The following BRD10 variants were observed in gnomAD, a reference collection of about 807,000 sequenced individuals.
BRD10 encodes bromodomain containing 10.
chr9:5,939,109 T>C, the BRD10 span, among the ~76,000 whole-genome samples: 1 of 152,134 alleles, frequency 6.6e-6, no homozygotes, highest in East Asian at 1.9e-4. Context: ...ATAAAATTTA[T>C]TTTTTACAGG....
At chr9:5,945,078 A>G in the BRD10 span, 1 of 456,422 alleles carries the variant, frequency 2.2e-6, no homozygotes, top group Non-Finnish European at 3.9e-6. Flanking sequence ...TGTAATAGTA[A>G]AAAGCAAGAA....
the BRD10 span, among the ~76,000 whole-genome samples, chr9:5,914,451 T>G: frequency 9.1e-6 from 1 of 110,152 alleles, no homozygotes; most frequent in African/African-American, 3.5e-5. Context: ...TGAGACGGAG[T>G]CTCACTCTGT....
the BRD10 span, among the ~76,000 whole-genome samples, chr9:5,942,906 C>G: frequency 6.6e-6 from 1 of 152,116 alleles, no homozygotes; most frequent in Non-Finnish European, 1.5e-5. Context: ...GAGTCAGGCT[C>G]TGGTTCTGTT....
At chr9:5,927,319 A>G in the BRD10 span, among the ~76,000 whole-genome samples, 1 of 152,166 alleles carries the variant, frequency 6.6e-6, no homozygotes, top group Non-Finnish European at 1.5e-5. Context: ...CCTCTTACCT[A>G]ATCAAGGATA....
At chr9:5,998,838 C>T in the BRD10 span, among the ~76,000 whole-genome samples, 4 of 151,922 alleles carry the variant, frequency 2.6e-5, no homozygotes, top group South Asian at 6.2e-4. Context: ...AAATCACTAG[C>T]GTACTAGAAT....
chr9:5,968,256 C>T, the BRD10 span: 8 of 1,612,464 alleles, frequency 5.0e-6, no homozygotes, highest in East Asian at 2.2e-5. Flanking sequence ...TCCCTTACAA[C>T]TTTGTGGCAG....
At chr9:5,921,503 G>C in the BRD10 span, 1 of 1,613,912 alleles carries the variant, frequency 6.2e-7, no homozygotes, top group Non-Finnish European at 8.5e-7. Context: ...AACACCTGTA[G>C]ATGTCAGCGC....
chr9:6,002,698 T>C, the BRD10 span, among the ~76,000 whole-genome samples: 1 of 151,580 alleles, frequency 6.6e-6, no homozygotes, highest in African/African-American at 2.4e-5. Flanking sequence ...TTTTTTTTTT[T>C]TTTTTTCCAC....
chr9:5,909,000 A>G, the BRD10 span: 2 of 368,938 alleles, frequency 5.4e-6, no homozygotes, highest in Non-Finnish European at 9.9e-6. Context: ...TGAGAGACAG[A>G]ATTCAAGTGG....
At chr9:6,008,453 G>T in the BRD10 span, among the ~76,000 whole-genome samples, 3 of 151,580 alleles carry the variant, frequency 2.0e-5, no homozygotes, top group African/African-American at 4.9e-5. Context: ...AAAGAAAGAG[G>T]CCCTGTCGCC....
chr9:5,954,206 TAGTG>T, the BRD10 span: 3 of 635,992 alleles, frequency 4.7e-6, no homozygotes, highest in Non-Finnish European at 5.5e-6. Flanking sequence ...AGATGGCTGC[TAGTG>T]AGTCAAATAA....
chr9:5,977,626 T>C, the BRD10 span, among the ~76,000 whole-genome samples: 1 of 152,164 alleles, frequency 6.6e-6, no homozygotes, highest in East Asian at 1.9e-4. Flanking sequence ...GGTGGGCAGA[T>C]CACGAGGTCA....
the BRD10 span, among the ~76,000 whole-genome samples, chr9:5,966,097 T>C: frequency 6.6e-6 from 1 of 152,240 alleles, no homozygotes; most frequent in Admixed American, 6.5e-5. Flanking sequence ...AAATTTGCTC[T>C]GAGAATAAAA....
At chr9:5,900,215 G>A in the BRD10 span, among the ~76,000 whole-genome samples, 5 of 152,046 alleles carry the variant, frequency 3.3e-5, no homozygotes, top group Non-Finnish European at 7.4e-5. Context: ...TTAATGTCAT[G>A]TGCTCAGACA....
At chr9:5,981,613 G>A in the BRD10 span, among the ~76,000 whole-genome samples, 1 of 151,828 alleles carries the variant, frequency 6.6e-6, no homozygotes, top group African/African-American at 2.4e-5. Flanking sequence ...ATCTATCCAT[G>A]TATCTATCTT....
At chr9:5,921,215 G>A in the BRD10 span, 2 of 1,613,692 alleles carry the variant, frequency 1.2e-6, no homozygotes, top group Non-Finnish European at 1.7e-6. Flanking sequence ...GTTAATTGAT[G>A]GTATAGCTGG....
chr9:5,955,306 A>T, the BRD10 span, among the ~76,000 whole-genome samples: 1 of 152,144 alleles, frequency 6.6e-6, no homozygotes, highest in Non-Finnish European at 1.5e-5. Context: ...ACACAAGGGC[A>T]CAAAAAATAT....
the BRD10 span, among the ~76,000 whole-genome samples, chr9:5,888,685 G>A: frequency 1.3e-5 from 2 of 152,212 alleles, no homozygotes; most frequent in Non-Finnish European, 1.5e-5. Flanking sequence ...ACAACGACCA[G>A]TTGAGAACAA....
the BRD10 span, among the ~76,000 whole-genome samples, chr9:5,958,308 G>C: frequency 1.3e-5 from 2 of 152,088 alleles, no homozygotes; most frequent in African/African-American, 4.8e-5. Flanking sequence ...CTAGAATCTG[G>C]AAATATGCCT....
Sources: allele counts gnomAD v4.1 joint callset (sites outside exome capture counted in the v4.1 genomes callset), GRCh38; gene constraint gnomAD v4.1.1; transcripts MANE v1.5; gene names NCBI Gene and HGNC (gene_info 2026-07-23, HGNC 2026-07-21).